PIAS2: variants seen among roughly 807,000 people sequenced by gnomAD.
PIAS2 encodes the protein protein inhibitor of activated STAT 2.
A neutral mutation model predicts 69.7 loss-of-function variants in PIAS2; 19 were observed. The ratio of observed to expected loss-of-function variants is 0.27; its 90% CI spans 0.19 to 0.40. The LOEUF (loss-of-function observed/expected upper bound fraction) is 0.40, where lower values mean the gene tolerates loss of function less well. Among genes scored for constraint, PIAS2 ranks in the 10% least tolerant of loss-of-function variants. The pLI is 1.00. For synonymous variants in PIAS2, 261 were observed against 263.2 expected, an observed-to-expected ratio of 0.99 and a Z score of 0.08; for missense variants, 624 against 757.0, an observed-to-expected ratio of 0.82 and a Z score of 2.06.
intron 2 of PIAS2, among the ~76,000 whole-genome samples, chr18:46,875,316 C>G (rs1035575764): frequency 6.6e-6 from 1 of 152,136 alleles, no homozygotes; most frequent in Admixed American, 6.5e-5. Context: ...GACAGCCAGG[C>G]CCCCTTCTTC....
intron 5 of PIAS2, among the ~76,000 whole-genome samples, chr18:46,847,308 T>C (rs186565066): frequency 3.6e-4 from 55 of 152,356 alleles, no homozygotes; most frequent in African/African-American, 1.3e-3. Flanking sequence ...TGGTGAGTGA[T>C]AAAAATATTT....
At chr18:46,873,148 G>A (rs965026264) in intron 2 of PIAS2, among the ~76,000 whole-genome samples, 1 of 152,144 alleles carries the variant, frequency 6.6e-6, no homozygotes, top group Non-Finnish European at 1.5e-5. Context: ...GGGGAAACTT[G>A]GTGGTGACCA....
chr18:46,813,930 A>G (rs1021602248), intron 13 of PIAS2, among the ~76,000 whole-genome samples: 1 of 152,178 alleles, frequency 6.6e-6, no homozygotes, highest in Admixed American at 6.5e-5. Flanking sequence ...ACTCTTTTCT[A>G]AAATCAAATC....
intron 1 of PIAS2, 123 bp downstream of exon 1, chr18:46,917,199 G>T (rs2058065621): frequency 8.0e-7 from 1 of 1,250,514 alleles, no homozygotes; most frequent in Non-Finnish European, 1.0e-6. Context: ...TCCGCGGGCC[G>T]GGGCTCAGGG....
upstream of PIAS2, among the ~76,000 whole-genome samples, chr18:46,919,005 ATATGTGTGTGTG>A (rs1437216342): frequency 6.8e-6 from 1 of 147,180 alleles, no homozygotes; most frequent in Non-Finnish European, 1.5e-5. Flanking sequence ...GTATATATAT[ATATGTGTGTGTG>A]TGTGTGTGTG....
intron 9 of PIAS2, among the ~76,000 whole-genome samples, chr18:46,835,046 G>A (rs1475766850): frequency 6.6e-6 from 1 of 152,082 alleles, no homozygotes; most frequent in Non-Finnish European, 1.5e-5. Context: ...ATTTTAAATT[G>A]AAAAAGTAGA....
At position 46,812,638 on chromosome 18, in the gene PIAS2, A is replaced by C. The variant is rs774956853; in HGVS notation, c.1687-26T>G. ...CTGCTTGAAACAAACAATGATGCCA[A>C]TGAGGAAGAGGCTACTTGATTTTAA... On this transcript the variant is annotated intron_variant, in intron 13 of 13. Transcript: ENST00000585916. The C allele has an allele frequency of 1.2e-5, 17 of 1,462,672 alleles. No homozygotes were observed. In the Admixed American group the frequency reaches 3.0e-4, roughly 26 times the overall value. 90.6% of individuals were successfully genotyped at this position (1,462,672 alleles called of 1,614,324 possible).
intron 13 of PIAS2, among the ~76,000 whole-genome samples, chr18:46,813,850 G>A (rs1246928419): frequency 6.6e-6 from 1 of 152,182 alleles, no homozygotes; most frequent in Admixed American, 6.5e-5. Context: ...AGGGACATTA[G>A]TTACAGGGAG....
intron 12 of PIAS2, chr18:46,818,555 T>A: frequency 1.0e-6 from 1 of 971,076 alleles, no homozygotes; most frequent in Non-Finnish European, 1.3e-6. Context: ...TATTTTATTA[T>A]AAATTATTAA....
intron 12 of PIAS2, chr18:46,817,217 A>G: frequency 2.1e-6 from 2 of 967,528 alleles, no homozygotes; most frequent in Non-Finnish European, 2.5e-6. Context: ...CTCTCAGTTC[A>G]TGTTAGTAAC....
intron 12 of PIAS2, chr18:46,816,081 T>C (rs1010363770): frequency 7.1e-5 from 70 of 984,700 alleles, no homozygotes; most frequent in Middle Eastern, 5.2e-4. Flanking sequence ...TCAACATCAG[T>C]TCACCTAGAC....
At chr18:46,845,627 A>G (rs558791475) in intron 6 of PIAS2, among the ~76,000 whole-genome samples, 1 of 151,038 alleles carries the variant, frequency 6.6e-6, no homozygotes, top group South Asian at 2.1e-4. Flanking sequence ...TTTCACATAA[A>G]TGTTAAAAAA....
chr18:46,822,905 T>C (rs2042334457), intron 11 of PIAS2, among the ~76,000 whole-genome samples: 1 of 152,036 alleles, frequency 6.6e-6, no homozygotes, highest in Admixed American at 6.6e-5. Flanking sequence ...ACCAAATATA[T>C]ATATAAAGTT....
intron 3 of PIAS2, among the ~76,000 whole-genome samples, chr18:46,857,049 CAT>C (rs1384635665): frequency 6.6e-6 from 1 of 152,230 alleles, no homozygotes; most frequent in Non-Finnish European, 1.5e-5. Context: ...GTTAACAACA[CAT>C]GTCAAGTGCC....
intron 12 of PIAS2, among the ~76,000 whole-genome samples, chr18:46,819,806 A>G (rs2041971174): frequency 6.6e-6 from 1 of 152,178 alleles, no homozygotes; most frequent in African/African-American, 2.4e-5. Context: ...AATGTCTGCA[A>G]AAGCAATAGC....
At chr18:46,817,247 T>C in intron 12 of PIAS2, 1 of 983,514 alleles carries the variant, frequency 1.0e-6, no homozygotes, top group Non-Finnish European at 1.2e-6. Context: ...TTTATAACGC[T>C]AAGTATTGAC....
chr18:46,877,049 T>G (rs543991392), intron 2 of PIAS2, among the ~76,000 whole-genome samples: 5 of 152,326 alleles, frequency 3.3e-5, no homozygotes, highest in African/African-American at 1.2e-4. Context: ...AAAGGACTTA[T>G]GTCCTCAATC....
At chr18:46,884,871 C>T (rs990671474) in intron 2 of PIAS2, among the ~76,000 whole-genome samples, 17 of 151,314 alleles carry the variant, frequency 1.1e-4, no homozygotes, top group East Asian at 3.9e-4. Flanking sequence ...GAGCTGAGAC[C>T]GTGCCATTGC....
At chr18:46,855,992 CTTTTGTTTTT>C (rs2047700057) in intron 3 of PIAS2, among the ~76,000 whole-genome samples, 2 of 69,150 alleles carry the variant, frequency 2.9e-5, no homozygotes, top group Non-Finnish European at 6.0e-5. Context: ...TTTTCTTTTT[CTTTTGTTTTT>C]TTTTTTTTTT....
Sources: allele counts gnomAD v4.1 joint callset (sites outside exome capture counted in the v4.1 genomes callset), GRCh38; gene constraint gnomAD v4.1.1; transcripts MANE v1.5; gene names NCBI Gene and HGNC (gene_info 2026-07-23, HGNC 2026-07-21).